IBTK: variants seen among roughly 807,000 people sequenced by gnomAD.
IBTK encodes the protein BTK-binding protein.
IBTK carries 83 observed loss-of-function variants against 154.9 expected under a neutral mutation model. The observed-to-expected ratio is 0.54, with a 90% CI of 0.45 to 0.64. IBTK has a LOEUF of 0.64. IBTK is among the 30% of genes least tolerant of loss of function. The pLI is 0.00. For missense variants in IBTK, 1,332 were observed against 1,584.6 expected (o/e 0.84, Z 2.71); for synonymous variants, 515 against 536.1 (o/e 0.96, Z 0.54).
At chr6:82,235,802 G>C (rs1011679865) in intron 2 of IBTK, among the ~76,000 whole-genome samples, 1 of 152,124 alleles carries the variant, frequency 6.6e-6, no homozygotes, top group Non-Finnish European at 1.5e-5. Flanking sequence ...TCCAGTTGCA[G>C]GCAAAAATAA....
chr6:82,175,795 C>T (rs1189144195), intron 26 of IBTK, among the ~76,000 whole-genome samples: 6 of 151,366 alleles, frequency 4.0e-5, no homozygotes, highest in East Asian at 4.0e-4. Context: ...TTTGGGAGGC[C>T]GAGGCAGGCG....
chr6:82,201,372 C>T, intron 19 of IBTK, 50 bp downstream of exon 19: 1 of 1,321,524 alleles, frequency 7.6e-7, no homozygotes, highest in Non-Finnish European at 1.1e-6. Flanking sequence ...TAATATACTG[C>T]TTAAGCTGGT....
At position 82,203,886 on chromosome 6, in the gene IBTK, T is replaced by A. The variant is rs143431307; in HGVS notation, c.2611+971A>T. Among the ~76,000 whole-genome samples, 5 of 152,222 alleles carry A rather than the reference T, an allele frequency of 3.3e-5. No homozygotes were observed. The East Asian group carries it at 9.7e-4, about 29-fold the overall frequency. The stretch of plus-strand genomic sequence containing the variant: ...TATTTAATAACCAAGGAGTAGACAG[T>A]CTACAGTGCTCAAGAAAAGTGAGAA... On this transcript the variant is annotated intron_variant, in intron 17 of 28. Transcript: ENST00000306270.
In IBTK at chr6:82,230,767, A is replaced by C. The variant is rs374281710; in HGVS notation, c.543+951T>G. On this transcript the variant is annotated intron_variant, in intron 4 of 28. Coordinates refer to ENST00000306270, the MANE Select transcript of IBTK (RefSeq NM_015525.4). ...AGACTGGGGCTAGAGATACACATAC[A>C]TACACACATATACACAATGTAATAC... 2.2e-4 allele frequency among the ~76,000 whole-genome samples: 34 copies of C among 152,334 alleles called. No individual in the cohort carries two copies. In the East Asian group the frequency reaches 6.0e-3, roughly 27 times the overall value.
At chr6:82,200,761 T>G (rs1422739832) in intron 19 of IBTK, 53 bp from the exon 20 acceptor site, 280 of 1,323,318 alleles carry the variant, frequency 2.1e-4, no homozygotes, top group Middle Eastern at 7.7e-4. Flanking sequence ...AAGTTTTTTT[T>G]TTTTTTTTTT....
chr6:82,236,604 A>G (rs974701820), intron 2 of IBTK, among the ~76,000 whole-genome samples: 2 of 152,160 alleles, frequency 1.3e-5, no homozygotes, highest in Non-Finnish European at 2.9e-5. Context: ...TGTAGGCAAC[A>G]AGTTTCTGCT....
chr6:82,192,974 T>C (rs558849767), intron 23 of IBTK, among the ~76,000 whole-genome samples: 1 of 151,878 alleles, frequency 6.6e-6, no homozygotes, highest in East Asian at 2.0e-4. Flanking sequence ...GGCACGCGCC[T>C]GTAGTCCCAG....
chr6:82,216,056 T>C lies in IBTK; in HGVS notation c.1601+20A>G, dbSNP rs374668599. On this transcript the variant is annotated intron_variant, in intron 11 of 28. Transcript: ENST00000306270. ...TGATTGTTCCTTCTAAAAAATGAAA[T>C]TTAATATATACAAGTATACCTTGTT... is the stretch of plus-strand genomic sequence containing the variant. 7.7e-4 allele frequency: 1,194 copies of C among 1,557,072 alleles called. 2 individuals carry two copies. The highest frequency in any genetic ancestry group is 9.1e-4 in the Non-Finnish European group (1,045 of 1,151,510).
intron 7 of IBTK, 127 bp downstream of exon 7, chr6:82,223,941 T>G (rs1449453692): frequency 1.5e-6 from 1 of 657,162 alleles, no homozygotes; most frequent in Non-Finnish European, 2.6e-6. Flanking sequence ...AGAGTGAGAC[T>G]TTGTCTCAAA....
At chr6:82,197,249 C>T (rs1221936894) in intron 21 of IBTK, among the ~76,000 whole-genome samples, 2 of 152,088 alleles carry the variant, frequency 1.3e-5, no homozygotes, top group Non-Finnish European at 2.9e-5. Flanking sequence ...ATAAAACCTA[C>T]CATCTCTTAT....
intron 21 of IBTK, 45 bp from the exon 22 acceptor site, chr6:82,196,491 A>C: frequency 1.6e-6 from 2 of 1,230,360 alleles, no homozygotes; most frequent in Non-Finnish European, 2.3e-6. Context: ...TGCATTAAAC[A>C]TATATGCATT....
chr6:82,219,237 G>A lies in IBTK; in HGVS notation c.1249-1100C>T, dbSNP rs1316913275. ...GAGCATCACATCACCCAAGTATTAC[G>A]CCCACCATCCAACAGCTATTCTTCC... On this transcript the variant is annotated intron_variant, in intron 9 of 28. Transcript: ENST00000306270. 5.3e-5 allele frequency among the ~76,000 whole-genome samples: 8 copies of A among 151,818 alleles called. No homozygotes were observed. The East Asian group carries it at 7.7e-4, about 15-fold the overall frequency.
chr6:82,237,678 T>TAGTAGC (rs1245061065), intron 2 of IBTK, among the ~76,000 whole-genome samples: 1 of 149,412 alleles, frequency 6.7e-6, no homozygotes, highest in Non-Finnish European at 1.5e-5. Context: ...GTAGTAGTAG[T>TAGTAGC]AGTAGTAGTA....
chr6:82,181,184 G>T (rs1267768192), intron 26 of IBTK, among the ~76,000 whole-genome samples: 1 of 152,116 alleles, frequency 6.6e-6, no homozygotes, highest in Non-Finnish European at 1.5e-5. Context: ...GAGGCCAGGG[G>T]TTTGAGACCA....
chr6:82,206,664 T>C (rs1473347124), intron 16 of IBTK, among the ~76,000 whole-genome samples: 1 of 151,702 alleles, frequency 6.6e-6, no homozygotes, highest in Non-Finnish European at 1.5e-5. Context: ...TAAACCAATA[T>C]CCCTTACAAT....
At chr6:82,224,977 T>G (rs2127820892) in intron 6 of IBTK, among the ~76,000 whole-genome samples, 1 of 152,252 alleles carries the variant, frequency 6.6e-6, no homozygotes, top group East Asian at 1.9e-4. Context: ...AATGCTAATA[T>G]GTACTATGCT....
intron 26 of IBTK, among the ~76,000 whole-genome samples, chr6:82,175,894 T>A (rs1447946644): frequency 6.6e-6 from 1 of 151,908 alleles, no homozygotes; most frequent in Non-Finnish European, 1.5e-5. Flanking sequence ...CCAGGCTTGG[T>A]GGCGCATACC....
intron 25 of IBTK, among the ~76,000 whole-genome samples, chr6:82,186,595 A>C (rs1269681359): frequency 6.6e-6 from 1 of 152,194 alleles, no homozygotes; most frequent in Non-Finnish European, 1.5e-5. Flanking sequence ...TTACTAAGGT[A>C]GTCTGGAACC....
chr6:82,220,027 T>A (rs1012283974), intron 9 of IBTK, among the ~76,000 whole-genome samples: 2 of 151,968 alleles, frequency 1.3e-5, no homozygotes, highest in Non-Finnish European at 2.9e-5. Context: ...CTGGCTAACA[T>A]GGCGAAACCC....
Sources: allele counts gnomAD v4.1 joint callset (sites outside exome capture counted in the v4.1 genomes callset), GRCh38; gene constraint gnomAD v4.1.1; transcripts MANE v1.5; gene names NCBI Gene and HGNC (gene_info 2026-07-23, HGNC 2026-07-21).